Variants in FAM234B observed in about 807,000 individuals in gnomAD.
FAM234B encodes family with sequence similarity 234 member B.
FAM234B carries 33 observed loss-of-function variants against 69.3 expected under a neutral mutation model. That is an observed-to-expected ratio of 0.48 (90% CI 0.36 to 0.64). The LOEUF (loss-of-function observed/expected upper bound fraction) is 0.64, where lower values mean the gene tolerates loss of function less well. Ranked by LOEUF, FAM234B falls within the 30% of genes least tolerant of loss-of-function variation. The pLI, the probability that FAM234B is intolerant of heterozygous loss-of-function variation, is 0.00. For missense variants in FAM234B, 697 were observed against 769.7 expected, an observed-to-expected ratio of 0.91 and a Z score of 1.12; for synonymous variants, 306 against 306.9, an observed-to-expected ratio of 1.00 and a Z score of 0.03.
At position 13,055,866 on chromosome 12, in the gene FAM234B, T is replaced by C. The variant is rs778357404; in HGVS notation, c.353T>C (p.Val118Ala). 6 of 1,613,702 alleles carry C rather than the reference T, an allele frequency of 3.7e-6. No individual in the cohort carries two copies. Among genetic ancestry groups the C allele is most frequent in the Non-Finnish European group, 5.1e-6 (6 of 1,179,928 alleles). ...ACTTTGGGGATCTCGATGATCCTGGTGCTCCTGTGTGCTTTCCTGATCCCC... is the reference window on the plus strand; with the variant it reads ...ACTTTGGGGATCTCGATGATCCTGGCGCTCCTGTGTGCTTTCCTGATCCCC... ...LLTLGISMIL[V>A]LLCAFLIPCP... The change falls in exon 2 of 13, where the codon GTG (valine) becomes GCG (alanine). Residue 118 changes from valine to alanine, a missense_variant. Around this residue, in one of 3 missense-constraint regions of FAM234B, gnomAD observed 380 missense variants for 447.1 expected, o/e 0.85. Transcript: ENST00000197268.
At chr12:13,061,175 G>A (rs1023872461) in intron 3 of FAM234B, among the ~76,000 whole-genome samples, 2 of 152,010 alleles carry the variant, frequency 1.3e-5, no homozygotes. Flanking sequence ...CTACTTTTTC[G>A]CATTCTTGAT....
chr12:13,068,177 G>C, intron 7 of FAM234B, 127 bp from the exon 8 acceptor site: 1 of 880,064 alleles, frequency 1.1e-6, no homozygotes. Flanking sequence ...CACTTGATGA[G>C]ATAATGGTGG....
chr12:13,072,073 C>T (rs10744012), intron 10 of FAM234B, among the ~76,000 whole-genome samples: 107,781 of 151,998 alleles, frequency 0.71, 40,089 homozygotes, highest in Non-Finnish European at 0.85. Flanking sequence ...GTGTGCCAGG[C>T]GCTGTGATCT....
intron 9 of FAM234B, among the ~76,000 whole-genome samples, chr12:13,069,516 C>T (rs1207273093): frequency 6.6e-6 from 1 of 152,188 alleles, no homozygotes; most frequent in Non-Finnish European, 1.5e-5. Context: ...AGAGTCACTA[C>T]ATAGCTCTAC....
In FAM234B at chr12:13,067,353, T is replaced by G; in HGVS notation, c.1142+57T>G. 6.3e-7 allele frequency: 1 copy of G among 1,592,128 alleles called. No homozygotes were observed. The highest frequency in any genetic ancestry group is 8.6e-7 in the Non-Finnish European group (1 of 1,162,028). Reference sequence around the variant, plus strand: ...AGATCTCTTGTGAACTCACATGCCTTTGAGTCTCTAAGTTTGGTTGGGCTG... The same window carrying G: ...AGATCTCTTGTGAACTCACATGCCTGTGAGTCTCTAAGTTTGGTTGGGCTG... On this transcript the variant is annotated intron_variant, in intron 7 of 12. Transcript: ENST00000197268. The surrounding 1 kb of genome is among the most constrained non-coding windows in gnomAD (Gnocchi z 4.7).
chr12:13,061,900 G>A, intron 4 of FAM234B, 137 bp downstream of exon 4: 1 of 710,460 alleles, frequency 1.4e-6, no homozygotes, highest in South Asian at 1.9e-5. Flanking sequence ...TGGTTATTAA[G>A]AGAAATGAGA....
At chr12:13,068,767 C>T (rs1865069865) in intron 9 of FAM234B, 56 bp downstream of exon 9, 2 of 1,194,664 alleles carry the variant, frequency 1.7e-6, no homozygotes, top group Non-Finnish European at 2.5e-6. Flanking sequence ...TACTTTGTGT[C>T]CAACCCTGTG....
intron 1 of FAM234B, among the ~76,000 whole-genome samples, chr12:13,046,946 A>T (rs1441741730): frequency 6.6e-6 from 1 of 152,216 alleles, no homozygotes; most frequent in South Asian, 2.1e-4. Context: ...ATTCTACTAC[A>T]TATTTACCTC....
intron 1 of FAM234B, among the ~76,000 whole-genome samples, chr12:13,054,459 T>A (rs951212862): frequency 6.6e-6 from 1 of 152,222 alleles, no homozygotes; most frequent in Non-Finnish European, 1.5e-5. Context: ...TTTTATTAAT[T>A]GAACAAACTG....
chr12:13,060,035 A>G (rs936811684), intron 3 of FAM234B, among the ~76,000 whole-genome samples: 16 of 152,256 alleles, frequency 1.1e-4, no homozygotes, highest in Non-Finnish European at 1.9e-4. Context: ...TTGTCAGCAC[A>G]TAACGTATGA....
At chr12:13,070,322 C>T (rs917747594) in intron 9 of FAM234B, among the ~76,000 whole-genome samples, 3 of 151,746 alleles carry the variant, frequency 2.0e-5, no homozygotes, top group Non-Finnish European at 4.4e-5. Flanking sequence ...GTTTTTCTTT[C>T]TCTGCTGGTT....
At chr12:13,064,284 T>G (rs1020519171) in intron 5 of FAM234B, among the ~76,000 whole-genome samples, 1 of 152,264 alleles carries the variant, frequency 6.6e-6, no homozygotes, top group Non-Finnish European at 1.5e-5. Flanking sequence ...TGTAATCTTT[T>G]TTATCCTAGC....
rs1865054946 is a variant in FAM234B at position 13,067,668 on chromosome 12, A to T, written c.1142+372A>T. Among the ~76,000 whole-genome samples the T allele has an allele frequency of 6.6e-6, 1 of 152,150 alleles. No homozygotes were observed. Among genetic ancestry groups the T allele is most frequent in the Non-Finnish European group, 1.5e-5 (1 of 68,022 alleles). On this transcript the variant is annotated intron_variant, in intron 7 of 12. Transcript: ENST00000197268. This position sits in a 1 kb window ranked among gnomAD's most constrained non-coding sequence, Gnocchi z 4.7. ...TTCTCTTAGTTGAAGCATCATTTTG[A>T]CAGAAGCAAGGATAGTGTCCATGAA...
chr12:13,046,316 T>G (rs1047679263), intron 1 of FAM234B, among the ~76,000 whole-genome samples: 1 of 152,182 alleles, frequency 6.6e-6, no homozygotes, highest in East Asian at 1.9e-4. Flanking sequence ...CTATTTTTAG[T>G]TTTTGCATTA....
chr12:13,076,180 A>T (rs200270768), intron 11 of FAM234B, 37 bp downstream of exon 11: 194 of 1,438,072 alleles, frequency 1.3e-4, no homozygotes, highest in Non-Finnish European at 1.7e-4. Flanking sequence ...GTGTACGCAG[A>T]TGGTGGGAGA....
At position 13,082,854 on chromosome 12, in the gene FAM234B, A is replaced by T. The variant is rs1239237619; in HGVS notation, c.*2224A>T. ...TTTATGCAGGGCAAATCCCAGAAAGATAAGAGGAAGCTAGAGAAACTTAAT... is the reference window on the plus strand; with the variant it reads ...TTTATGCAGGGCAAATCCCAGAAAGTTAAGAGGAAGCTAGAGAAACTTAAT... On this transcript the variant is annotated 3_prime_UTR_variant, in exon 13 of 13. Coordinates refer to ENST00000197268, the MANE Select transcript of FAM234B (RefSeq NM_020853.2). The T allele has an allele frequency of 1.3e-5, 2 of 152,228 alleles. No homozygotes were observed. The highest frequency in any genetic ancestry group is 2.9e-5 in the Non-Finnish European group (2 of 68,034). 9.4% of individuals were successfully genotyped at this position (152,228 alleles called of 1,614,324 possible).
intron 2 of FAM234B, among the ~76,000 whole-genome samples, 164 bp from the exon 3 acceptor site, chr12:13,058,287 C>G (rs2120463733): frequency 6.6e-6 from 1 of 152,224 alleles, no homozygotes; most frequent in Non-Finnish European, 1.5e-5. Context: ...TGTACAGTGT[C>G]CAGGGCTTTT....
chr12:13,071,220 T>A, intron 9 of FAM234B, 21 bp from the exon 10 acceptor site: 1 of 1,613,122 alleles, frequency 6.2e-7, no homozygotes, highest in African/African-American at 1.3e-5. Context: ...CCATGTTTAC[T>A]GTCTGTCTTC....
At chr12:13,057,484 CT>C (rs1338181224) in intron 2 of FAM234B, among the ~76,000 whole-genome samples, 1 of 151,088 alleles carries the variant, frequency 6.6e-6, no homozygotes, top group African/African-American at 2.4e-5. Flanking sequence ...ATAAATGATG[CT>C]GCTAAGAACA....
Sources: gnomAD v4.1 joint callset for allele counts (sites outside exome capture counted in the v4.1 genomes callset) on GRCh38, gnomAD v4.1.1 for gene constraint, gnomAD v4.1.1 regional missense constraint, Gnocchi (gnomAD v3.1) non-coding constraint, MANE v1.5 for transcripts, NCBI Gene and HGNC (gene_info 2026-07-23, HGNC 2026-07-21) for gene names.